DAB1: variants seen among roughly 807,000 people sequenced by gnomAD.
DAB1 encodes DAB adaptor protein 1.
A neutral mutation model predicts 64.6 loss-of-function variants in DAB1; 15 were observed. The ratio of observed to expected loss-of-function variants is 0.23; its 90% confidence interval spans 0.16 to 0.36. DAB1 has a LOEUF of 0.36. Ranked by LOEUF, DAB1 falls within the 10% of genes least tolerant of loss-of-function variation. The pLI is 1.00. For missense variants in DAB1, 596 were observed against 706.7 expected, an observed-to-expected ratio of 0.84 and a Z score of 1.78; for synonymous variants, 235 against 251.9, an observed-to-expected ratio of 0.93 and a Z score of 0.64.
chr1:57,803,191 T>C (rs1283567832), intron 6 of DAB1, among the ~76,000 whole-genome samples: 3 of 151,992 alleles, frequency 2.0e-5, no homozygotes, highest in Admixed American at 6.6e-5. Context: ...GAAGGAAAAA[T>C]TTACAAGGAT....
At chr1:58,150,714 G>A (rs1159996723) in intron 4 of DAB1, 2 of 151,504 alleles carry the variant, frequency 1.3e-5, no homozygotes, top group African/African-American at 2.4e-5. Flanking sequence ...TATACTTTAA[G>A]TTCTAGGGTA....
chr1:57,696,400 CAGTGGAT>C (rs1400186188), intron 6 of DAB1, among the ~76,000 whole-genome samples: 2 of 152,058 alleles, frequency 1.3e-5, no homozygotes, highest in African/African-American at 4.8e-5. Context: ...AGAGGATCTT[CAGTGGAT>C]AGTATGAGAA....
intron 6 of DAB1, among the ~76,000 whole-genome samples, chr1:57,663,272 A>ACC (rs1646408397): frequency 6.6e-6 from 1 of 152,134 alleles, no homozygotes; most frequent in Non-Finnish European, 1.5e-5. Flanking sequence ...AGTGAGGGGG[A>ACC]AGTCCACCCC....
At chr1:58,305,902 C>T (rs1471451488) in intron 4 of DAB1, among the ~76,000 whole-genome samples, 1 of 152,172 alleles carries the variant, frequency 6.6e-6, no homozygotes, top group African/African-American at 2.4e-5. Context: ...TGCTGACATG[C>T]AGGGGAAAGC....
At chr1:58,268,942 C>G (rs551584922) in intron 4 of DAB1, among the ~76,000 whole-genome samples, 53 of 152,224 alleles carry the variant, frequency 3.5e-4, no homozygotes, top group South Asian at 8.3e-4. Flanking sequence ...GAATTAAAAG[C>G]CCAGAAATAA....
chr1:57,895,886 C>G (rs957912206), intron 5 of DAB1, among the ~76,000 whole-genome samples: 1 of 152,106 alleles, frequency 6.6e-6, no homozygotes, highest in Non-Finnish European at 1.5e-5. Flanking sequence ...AACTTTACAG[C>G]CTGTGAAAGA....
intron 1 of DAB1, among the ~76,000 whole-genome samples, chr1:57,335,956 A>T (rs1445340261): frequency 6.6e-6 from 1 of 152,228 alleles, no homozygotes; most frequent in African/African-American, 2.4e-5. Context: ...ATTACAAATA[A>T]TCATTGTTGG....
chr1:57,052,518 C>T, intron 9 of DAB1, among the ~76,000 whole-genome samples: 1 of 152,264 alleles, frequency 6.6e-6, no homozygotes, highest in Non-Finnish European at 1.5e-5. Flanking sequence ...GCATCCAAAG[C>T]ACCAAGTTCA....
intron 5 of DAB1, among the ~76,000 whole-genome samples, chr1:58,083,145 T>C (rs1405473659): frequency 1.3e-5 from 2 of 152,192 alleles, no homozygotes; most frequent in Non-Finnish European, 2.9e-5. Flanking sequence ...GAGGTATTTA[T>C]GGTGAAGAAA....
At chr1:57,881,498 A>G (rs1200372558) in intron 1 of DAB1, among the ~76,000 whole-genome samples, 1 of 152,222 alleles carries the variant, frequency 6.6e-6, no homozygotes, top group Non-Finnish European at 1.5e-5. Context: ...TGATCTTGAG[A>G]GAATTGCTTC....
At chr1:58,440,408 G>A (rs1486732658) in intron 3 of DAB1, among the ~76,000 whole-genome samples, 2 of 152,172 alleles carry the variant, frequency 1.3e-5, no homozygotes, top group South Asian at 2.1e-4. Flanking sequence ...GGCTGAGGTC[G>A]CAGGAGCACA....
chr1:58,306,141 G>A (rs1210799708), intron 4 of DAB1, among the ~76,000 whole-genome samples: 21 of 152,206 alleles, frequency 1.4e-4, no homozygotes, highest in Admixed American at 1.3e-3. Flanking sequence ...CCTCAAGTGA[G>A]CACTCATTAT....
chr1:57,010,764 G>A lies in DAB1; in HGVS notation c.1599C>T (p.Asn533=). The change falls in exon 14 of 15, where the codon AAC becomes AAT. Residue 533 remains asparagine (N), a synonymous_variant. Transcript: ENST00000371236. The part of the protein sequence containing the change: ...EAPDGSQASS[N]SDPFGEPSGE... ...CACTGGGCTCACCAAATGGATCACT[G>A]TTGGATGAGGCCTGTGATCCATCAG... The A allele has an allele frequency of 2.5e-6, 4 of 1,594,216 alleles. No individual in the cohort carries two copies. The highest frequency in any genetic ancestry group is 3.4e-6 in the Non-Finnish European group (4 of 1,168,192).
At chr1:58,177,424 A>G (rs1164414441) in intron 4 of DAB1, among the ~76,000 whole-genome samples, 1 of 152,242 alleles carries the variant, frequency 6.6e-6, no homozygotes, top group Non-Finnish European at 1.5e-5. Context: ...ATTAAGGCTC[A>G]GATGAAAGAA....
chr1:58,324,528 C>T (rs866984914), intron 4 of DAB1, among the ~76,000 whole-genome samples: 1 of 152,146 alleles, frequency 6.6e-6, no homozygotes, highest in Non-Finnish European at 1.5e-5. Flanking sequence ...ATCAGGCCAT[C>T]CCCAGTTGAG....
chr1:58,122,141 T>C (rs1652781597), intron 5 of DAB1, among the ~76,000 whole-genome samples: 1 of 152,178 alleles, frequency 6.6e-6, no homozygotes, highest in Non-Finnish European at 1.5e-5. Context: ...TACCATACCA[T>C]GGACAAAAGA....
chr1:57,918,981 C>A (rs1261887124), intron 5 of DAB1, among the ~76,000 whole-genome samples: 1 of 149,432 alleles, frequency 6.7e-6, no homozygotes, highest in Non-Finnish European at 1.5e-5. Context: ...ATAGCATTTA[C>A]CAAAAAAAAT....
chr1:57,561,517 T>G (rs1268458727), intron 7 of DAB1, among the ~76,000 whole-genome samples: 1 of 152,242 alleles, frequency 6.6e-6, no homozygotes, highest in Non-Finnish European at 1.5e-5. Flanking sequence ...ACAGATAGAC[T>G]TCTCTGAGTG....
At chr1:58,112,082 G>T (rs1651997351) in intron 5 of DAB1, among the ~76,000 whole-genome samples, 2 of 152,076 alleles carry the variant, frequency 1.3e-5, no homozygotes, top group South Asian at 4.1e-4. Flanking sequence ...CCTCTGTCCA[G>T]CATTCTCCAC....
Sources: allele counts gnomAD v4.1 joint callset (sites outside exome capture counted in the v4.1 genomes callset), GRCh38; gene constraint gnomAD v4.1.1; transcripts MANE v1.5; gene names NCBI Gene and HGNC (gene_info 2026-07-23, HGNC 2026-07-21).